Variants in FAT3 observed in about 807,000 individuals in gnomAD.
The protein encoded by FAT3 is FAT atypical cadherin 3.
A neutral mutation model predicts 310.2 loss-of-function variants in FAT3; 95 were observed. That is an observed-to-expected ratio of 0.31 (90% CI 0.26 to 0.36). The LOEUF (loss-of-function observed/expected upper bound fraction) is 0.36, where lower values mean the gene tolerates loss of function less well. Among genes scored for constraint, FAT3 ranks in the 10% least tolerant of loss-of-function variants. The pLI is 1.00. For missense variants in FAT3, 5,408 were observed against 5,715.6 expected, an observed-to-expected ratio of 0.95 and a Z score of 1.74; for synonymous variants, 2,314 against 2,192.9, an observed-to-expected ratio of 1.06 and a Z score of -1.54.
chr11:92,861,435 G>A lies in FAT3; in HGVS notation c.11658+2113G>A, dbSNP rs530375804. Among the ~76,000 whole-genome samples the A allele has an allele frequency of 3.9e-4, 59 of 152,338 alleles. No individual in the cohort carries two copies. The South Asian group carries it at 0.011, about 29-fold the overall frequency. ...GAGGATACGAAAGAAGAATAATTAA[G>A]CCTTTTAGGCAGCTCCAGCTCCTAA... On this transcript the variant is annotated intron_variant, in intron 21 of 27. Transcript: ENST00000525166.
intron 1 of FAT3, among the ~76,000 whole-genome samples, chr11:92,279,592 G>A (rs1424572446): frequency 6.6e-6 from 1 of 152,090 alleles, no homozygotes; most frequent in Non-Finnish European, 1.5e-5. Context: ...TATTTATGGG[G>A]GCATGGGATA....
chr11:92,682,530 G>A (rs1249130745), intron 3 of FAT3, among the ~76,000 whole-genome samples: 4 of 152,156 alleles, frequency 2.6e-5, no homozygotes, highest in East Asian at 1.9e-4. Context: ...CGTAATAATC[G>A]CTCTCACTCA....
At chr11:92,376,637 C>A (rs1248003466) in intron 2 of FAT3, among the ~76,000 whole-genome samples, 1 of 152,192 alleles carries the variant, frequency 6.6e-6, no homozygotes, top group Non-Finnish European at 1.5e-5. Flanking sequence ...TGTGTTTCAG[C>A]TTCTAACCAG....
intron 1 of FAT3, among the ~76,000 whole-genome samples, chr11:92,331,738 G>A (rs1004054205): frequency 2.0e-5 from 3 of 152,098 alleles, no homozygotes; most frequent in Non-Finnish European, 4.4e-5. Flanking sequence ...TTTTTTAAAC[G>A]GAATTTTCTG....
At chr11:92,297,999 T>G (rs1946895194) in intron 1 of FAT3, among the ~76,000 whole-genome samples, 1 of 152,136 alleles carries the variant, frequency 6.6e-6, no homozygotes. Flanking sequence ...AAGCTCTTTT[T>G]GGAAGAATAA....
At chr11:92,487,576 A>G (rs1477463629) in intron 2 of FAT3, among the ~76,000 whole-genome samples, 1 of 152,166 alleles carries the variant, frequency 6.6e-6, no homozygotes, top group African/African-American at 2.4e-5. Context: ...CCTAAACTCT[A>G]AAAAGTAGGT....
intron 1 of FAT3, among the ~76,000 whole-genome samples, chr11:92,246,640 A>G (rs1268313748): frequency 6.6e-6 from 1 of 152,080 alleles, no homozygotes; most frequent in African/African-American, 2.4e-5. Flanking sequence ...TGGAAAAGGT[A>G]GAGATTCTAA....
At chr11:92,355,829 C>A (rs1948713532) in intron 2 of FAT3, among the ~76,000 whole-genome samples, 1 of 152,132 alleles carries the variant, frequency 6.6e-6, no homozygotes, top group South Asian at 2.1e-4. Flanking sequence ...TTTCCCTTTA[C>A]AGTAAGGCTT....
chr11:92,803,925 C>T (rs564258830), intron 10 of FAT3, among the ~76,000 whole-genome samples: 1 of 152,300 alleles, frequency 6.6e-6, no homozygotes, highest in South Asian at 2.1e-4. Flanking sequence ...CTGAGGCCCT[C>T]AGACTGAGCA....
At chr11:92,657,412 T>C (rs1290016043) in intron 3 of FAT3, among the ~76,000 whole-genome samples, 2 of 152,248 alleles carry the variant, frequency 1.3e-5, no homozygotes, top group African/African-American at 2.4e-5. Flanking sequence ...ATTCTCTGCA[T>C]TGTGGGCATG....
chr11:92,591,340 T>C (rs1425066905), intron 3 of FAT3, among the ~76,000 whole-genome samples: 1 of 152,158 alleles, frequency 6.6e-6, no homozygotes, highest in African/African-American at 2.4e-5. Context: ...CTTTCTGCAT[T>C]GGATTGGTTT....
chr11:92,853,973 G>T (rs1948903232), intron 19 of FAT3, among the ~76,000 whole-genome samples: 1 of 152,126 alleles, frequency 6.6e-6, no homozygotes, highest in South Asian at 2.1e-4. Context: ...TTTCTGTCCA[G>T]GAGCCCATCT....
chr11:92,400,899 G>C (rs2134864862), intron 2 of FAT3, among the ~76,000 whole-genome samples: 1 of 152,122 alleles, frequency 6.6e-6, no homozygotes, highest in South Asian at 2.1e-4. Flanking sequence ...CAATCTGCTG[G>C]TAATTTACAA....
rs17602858 is a variant in FAT3 at position 92,571,403 on chromosome 11, C to G, written c.3607+46455C>G. On this transcript the variant is annotated intron_variant, in intron 3 of 27. Transcript: ENST00000525166. ...AGAATTAGTGACAAGCAGCAGCTAT[C>G]ACCGCAGGACCTGCACCTCACACCC... Among the ~76,000 whole-genome samples the G allele has an allele frequency of 3.5e-3, 537 of 152,284 alleles. 2 individuals carry two copies. Among genetic ancestry groups the G allele is most frequent in the Non-Finnish European group, 5.9e-3 (399 of 68,016 alleles).
chr11:92,580,611 C>G (rs1297561340), intron 3 of FAT3, among the ~76,000 whole-genome samples: 1 of 152,026 alleles, frequency 6.6e-6, no homozygotes, highest in East Asian at 1.9e-4. Context: ...ATGTCTTATT[C>G]TTGTCTTCTC....
At position 92,882,594 on chromosome 11, in the gene FAT3, C is replaced by G. The variant is rs548838368; in HGVS notation, c.12282-144C>G. The G allele has an allele frequency of 1.8e-4, 103 of 582,860 alleles. 2 individuals carry two copies. The South Asian group carries it at 1.9e-3, about 11-fold the overall frequency. 36.1% of individuals were successfully genotyped at this position (582,860 alleles called of 1,614,324 possible). A position where few individuals can be genotyped will look rare whatever the true frequency, so the allele number is the denominator to read the frequency against. ...CTAAATTAACTCCCCCTCCCCCCCC[C>G]CACCAACCATCTTTGTCCTGCTTCA... is the stretch of plus-strand genomic sequence containing the variant. On this transcript the variant is annotated intron_variant, in intron 23 of 27. Transcript: ENST00000525166.
chr11:92,253,620 A>G (rs1865211814), intron 1 of FAT3, among the ~76,000 whole-genome samples: 1 of 152,160 alleles, frequency 6.6e-6, no homozygotes, highest in African/African-American at 2.4e-5. Flanking sequence ...CTCTTTGGAA[A>G]GGAAACCAAC....
chr11:92,887,747 G>A (rs1453835181), intron 25 of FAT3, among the ~76,000 whole-genome samples: 1 of 152,182 alleles, frequency 6.6e-6, no homozygotes, highest in African/African-American at 2.4e-5. Flanking sequence ...TATGGAGAGG[G>A]TGCTAATGTT....
chr11:92,265,759 G>A (rs938647282), intron 1 of FAT3, among the ~76,000 whole-genome samples: 5 of 151,988 alleles, frequency 3.3e-5, no homozygotes, highest in African/African-American at 1.2e-4. Context: ...TGGTAGAAGG[G>A]GCAAGGCAGC....
Sources: gnomAD v4.1 joint callset for allele counts (sites outside exome capture counted in the v4.1 genomes callset) on GRCh38, gnomAD v4.1.1 for gene constraint, MANE v1.5 for transcripts, NCBI Gene and HGNC (gene_info 2026-07-23, HGNC 2026-07-21) for gene names.